LARS1: variants seen among roughly 807,000 people sequenced by gnomAD.
The protein encoded by LARS1 is leucine--tRNA ligase, cytoplasmic.
A neutral mutation model predicts 162.8 loss-of-function variants in LARS1; 100 were observed. That is an observed-to-expected ratio of 0.61 (90% CI 0.52 to 0.73). The LOEUF is 0.73. LARS1 is among the 30% of genes least tolerant of loss of function. The pLI, the probability that LARS1 is intolerant of heterozygous loss-of-function variation, is 0.00. For missense variants in LARS1, 1,258 were observed against 1,408.9 expected (o/e 0.89, Z 1.71); for synonymous variants, 457 against 462.8 (o/e 0.99, Z 0.16).
At chr5:146,114,472 A>G (rs1232809061) in intron 31 of LARS1, among the ~76,000 whole-genome samples, 161 bp from the exon 32 acceptor site, 2 of 152,074 alleles carry the variant, frequency 1.3e-5, no homozygotes, top group East Asian at 1.9e-4. Flanking sequence ...GGTGGCTCAC[A>G]CCTGTAATCC....
At position 146,182,590 on chromosome 5, in the gene LARS1, C is replaced by A; in HGVS notation, c.-97G>T. The A allele has an allele frequency of 6.5e-7, 1 of 1,532,470 alleles. No homozygotes were observed. Among genetic ancestry groups the A allele is most frequent in the East Asian group, 2.2e-5 (1 of 44,476 alleles). The allele number at this position is 1,532,470 out of a possible 1,614,324, so 94.9% of individuals were successfully genotyped here. On this transcript the variant is annotated 5_prime_UTR_variant, in exon 1 of 32. Coordinates refer to ENST00000394434, the MANE Select transcript of LARS1 (RefSeq NM_020117.11). ...TCCCCTCCCTCTCGGGGATGCCAGG[C>A]CTCCCACGAAACTAAAGCACACGCT...
intron 1 of LARS1, among the ~76,000 whole-genome samples, chr5:146,179,208 G>A (rs1266414756): frequency 2.0e-5 from 3 of 152,166 alleles, no homozygotes; most frequent in Non-Finnish European, 2.9e-5. Flanking sequence ...CTCCAGCCTA[G>A]GCAACACAGC....
In LARS1 at chr5:146,129,683, T is replaced by C. The variant is rs986250088; in HGVS notation, c.2628+335A>G. On this transcript the variant is annotated intron_variant, in intron 25 of 31. Coordinates refer to ENST00000394434, the MANE Select transcript of LARS1 (RefSeq NM_020117.11). ...TATTAAGTCCTATATATGCCAGAAG[T>C]TTTATATAAAACAAGAATACTTACA... Among the ~76,000 whole-genome samples the C allele has an allele frequency of 2.0e-5, 3 of 151,238 alleles. No homozygotes were observed. In the Admixed American group the frequency reaches 2.0e-4, roughly 10 times the overall value.
chr5:146,114,167 T>A lies in LARS1; in HGVS notation c.3470A>T (p.His1157Leu), dbSNP rs1580992477. 3 of 1,613,952 alleles carry A rather than the reference T, an allele frequency of 1.9e-6. No individual in the cohort carries two copies. In the East Asian group the frequency reaches 6.7e-5, roughly 36 times the overall value. ...FNVDLMSKKI[H>L]LTENGIRVDI... ...CACCCTTATCCCATTCTCAGTCAGA[T>A]GAATTTTCTTGCTCATGAGGTCCAC... Residue 1157 changes from histidine to leucine, a missense_variant, in exon 32 of 32, where the codon CAT (histidine) becomes CTT (leucine). By Grantham distance (99) the His-to-Leu change is moderately conservative (BLOSUM62 -3). Transcript: ENST00000394434.
intron 25 of LARS1, among the ~76,000 whole-genome samples, 153 bp from the exon 26 acceptor site, chr5:146,129,271 C>T (rs1208457736): frequency 6.6e-6 from 1 of 152,184 alleles, no homozygotes; most frequent in Admixed American, 6.6e-5. Context: ...TGCACAGCCC[C>T]TGATCTAATG....
In LARS1 at chr5:146,153,716, T is replaced by A. The variant is rs1266041491; in HGVS notation, c.1230+18A>T. 21 of 1,603,360 alleles carry A rather than the reference T, an allele frequency of 1.3e-5. No individual in the cohort carries two copies. In the Admixed American group the frequency reaches 3.5e-4, roughly 27 times the overall value. On this transcript the variant is annotated intron_variant, in intron 12 of 31. Transcript: ENST00000394434. ...AGATGGTGAGGACGAAATACAAACA[T>A]GAAACTCAGATACTTACTTGCTTTT...
chr5:146,157,735 T>C lies in LARS1; in HGVS notation c.832A>G (p.Lys278Glu). ...KLKVLEPYPSKLSGLKGKNIF... is the reference protein window; with the variant it reads ...KLKVLEPYPSELSGLKGKNIF... ...TTACTCTGGCAAACCTACCTTAATT[T>C]AGATGGGTATGGCTCAAGCACCTTC... The change falls in exon 9 of 32, where the codon AAA becomes GAA. Residue 278 changes from lysine (K) to glutamate (E), a missense_variant. Physicochemically the swap from Lys to Glu is moderately conservative, Grantham distance 56. Transcript: ENST00000394434. 1 of 1,614,128 alleles carries C rather than the reference T, an allele frequency of 6.2e-7. No homozygotes were observed. The highest frequency in any genetic ancestry group is 8.5e-7 in the Non-Finnish European group (1 of 1,179,986).
chr5:146,171,995 AG>A lies in LARS1; in HGVS notation c.214-6del. On this transcript the variant is annotated splice_region_variant and splice_polypyrimidine_tract_variant and intron_variant, in intron 3 of 31. Transcript: ENST00000394434. ...TCGCTGGTACCCTACAGCAAACTAC[AG>A]AAATAAAATTAAATTTAAATTGCAA... is the stretch of plus-strand genomic sequence containing the variant. The A allele has an allele frequency of 6.2e-7, 1 of 1,610,126 alleles. No individual in the cohort carries two copies. The highest frequency in any genetic ancestry group is 2.2e-5 in the East Asian group (1 of 44,814).
intron 7 of LARS1, among the ~76,000 whole-genome samples, chr5:146,160,051 A>C (rs1401360302): frequency 7.2e-5 from 11 of 151,930 alleles, no homozygotes; most frequent in Non-Finnish European, 2.9e-5. Context: ...AAAACAAAGG[A>C]TACAAAAGAA....
intron 21 of LARS1, 42 bp from the exon 22 acceptor site, chr5:146,135,706 A>G (rs755511889): frequency 7.0e-7 from 1 of 1,422,048 alleles, no homozygotes; most frequent in Admixed American, 2.3e-5. Context: ...TAACAGTAAT[A>G]TAAATAAACC....
At chr5:146,168,331 T>G in intron 4 of LARS1, 66 bp from the exon 5 acceptor site, 16 of 1,510,546 alleles carry the variant, frequency 1.1e-5, no homozygotes, top group Non-Finnish European at 1.4e-5. Context: ...TTTTTTACTG[T>G]TTTTATTGCC....
chr5:146,181,421 G>T (rs564845268), intron 1 of LARS1, among the ~76,000 whole-genome samples: 2 of 151,708 alleles, frequency 1.3e-5, no homozygotes, highest in East Asian at 3.9e-4. Context: ...CATGCCTGTA[G>T]TCCCAGCACT....
intron 31 of LARS1, among the ~76,000 whole-genome samples, chr5:146,118,215 C>T (rs1200939685): frequency 6.6e-6 from 1 of 152,106 alleles, no homozygotes; most frequent in Non-Finnish European, 1.5e-5. Flanking sequence ...TTTGTGACAA[C>T]ATGGATGAGG....
intron 31 of LARS1, 27 bp from the exon 32 acceptor site, chr5:146,114,338 A>G (rs375458867): frequency 1.3e-6 from 2 of 1,577,356 alleles, no homozygotes; most frequent in East Asian, 2.3e-5. Context: ...TATCAATATA[A>G]GCATTTAATT....
intron 2 of LARS1, among the ~76,000 whole-genome samples, chr5:146,175,490 C>T (rs1248390967): frequency 6.9e-6 from 1 of 145,650 alleles, no homozygotes; most frequent in African/African-American, 2.6e-5. Flanking sequence ...TGCAGTGAGC[C>T]GAGATCATGC....
chr5:146,145,228 C>G (rs530802358), intron 15 of LARS1, among the ~76,000 whole-genome samples: 3 of 151,972 alleles, frequency 2.0e-5, no homozygotes, highest in African/African-American at 7.2e-5. Flanking sequence ...GGACTACAGG[C>G]ACATGTCAAC....
At chr5:146,153,845 C>T (rs370718643) in intron 11 of LARS1, 35 bp from the exon 12 acceptor site, 16 of 1,609,982 alleles carry the variant, frequency 9.9e-6, no homozygotes, top group South Asian at 3.3e-5. Flanking sequence ...ATAACTAGAA[C>T]CAAAATGTGT....
intron 31 of LARS1, among the ~76,000 whole-genome samples, chr5:146,117,240 AAC>A (rs1254081230): frequency 6.6e-6 from 1 of 152,140 alleles, no homozygotes; most frequent in South Asian, 2.1e-4. Flanking sequence ...GTACATTTAA[AAC>A]AGAGGTAGAT....
chr5:146,137,789 C>T (rs1752578492), intron 21 of LARS1: 1 of 324,138 alleles, frequency 3.1e-6, no homozygotes. Flanking sequence ...GCCATTTTTG[C>T]TGGCTATGAG....
Sources: allele counts gnomAD v4.1 joint callset (sites outside exome capture counted in the v4.1 genomes callset), GRCh38; gene constraint gnomAD v4.1.1; transcripts MANE v1.5; gene names NCBI Gene and HGNC (gene_info 2026-07-23, HGNC 2026-07-21).